GRAMD1A: variants seen among roughly 807,000 people sequenced by gnomAD.
GRAMD1A encodes the protein protein Aster-A.
In GRAMD1A, 50 loss-of-function variants were observed where a neutral mutation model predicts 92.0. The ratio of observed to expected loss-of-function variants is 0.54; its 90% confidence interval spans 0.43 to 0.69. GRAMD1A has a LOEUF of 0.69. GRAMD1A is among the 30% of genes least tolerant of loss of function. GRAMD1A has a pLI of 0.00. For synonymous variants in GRAMD1A, 405 were observed against 403.6 expected (o/e 1.00, Z -0.04); for missense variants, 819 against 978.9 (o/e 0.84, Z 2.18).
At chr19:34,995,176 C>T (rs1450579444) in intron 1 of GRAMD1A, among the ~76,000 whole-genome samples, 1 of 152,254 alleles carries the variant, frequency 6.6e-6, no homozygotes, top group African/African-American at 2.4e-5. Flanking sequence ...GTCTGTCCGG[C>T]TAGCCGTTAC....
upstream of GRAMD1A, chr19:34,996,166 G>A: frequency 6.5e-7 from 1 of 1,535,854 alleles, no homozygotes; most frequent in Non-Finnish European, 8.7e-7. Context: ...AGTCCTGGAA[G>A]CTCCTGGAGG....
chr19:35,025,351 C>G (rs2016356988), intron 19 of GRAMD1A: 1 of 152,318 alleles, frequency 6.6e-6, no homozygotes, highest in African/African-American at 2.4e-5. Flanking sequence ...TAAAGCGATT[C>G]TCGTGCCTCA....
chr19:35,014,686 TG>T (rs2015498004), intron 10 of GRAMD1A: 1 of 463,778 alleles, frequency 2.2e-6, no homozygotes, highest in Admixed American at 3.4e-5. Flanking sequence ...CCTCTGAAAA[TG>T]GGGTTAACAA....
intron 1 of GRAMD1A, among the ~76,000 whole-genome samples, chr19:35,005,740 G>A (rs73929254): frequency 0.02 from 3,118 of 152,308 alleles, 102 homozygotes; most frequent in African/African-American, 0.072. Flanking sequence ...GGACAGAGCA[G>A]TGACCCACAG....
intron 1 of GRAMD1A, 58 bp from the exon 2 acceptor site, chr19:35,009,061 C>A (rs1568321672): frequency 8.6e-7 from 1 of 1,160,580 alleles, no homozygotes; most frequent in Non-Finnish European, 1.3e-6. Context: ...ATAGGCCTGT[C>A]CCCGAATCCC....
upstream of GRAMD1A, among the ~76,000 whole-genome samples, chr19:34,997,599 G>A (rs2014095032): frequency 6.6e-6 from 1 of 152,160 alleles, no homozygotes; most frequent in African/African-American, 2.4e-5. Context: ...AAGCGTTAAA[G>A]TTTAGGAAGC....
rs371499583 is a variant in GRAMD1A at position 35,009,926 on chromosome 19, C to T, written c.279C>T (p.Phe93=). ...CTTATAAGCAGCGTAATGAGGACTTCCGGAAACTGTTCAGCAAACTCCCCG... is the reference window on the plus strand; with the variant it reads ...CTTATAAGCAGCGTAATGAGGACTTTCGGAAACTGTTCAGCAAACTCCCCG... The part of the protein sequence containing the change: ...SPTYKQRNED[F]RKLFSKLPEA... Residue 93 remains phenylalanine (F), a synonymous_variant, in exon 4 of 20, where the codon TTC becomes TTT. Coordinates refer to ENST00000317991, the MANE Select transcript of GRAMD1A (RefSeq NM_020895.5). 9.9e-6 allele frequency: 16 copies of T among 1,613,118 alleles called. No homozygotes were observed. Among genetic ancestry groups the T allele is most frequent in the African/African-American group, 4.0e-5 (3 of 74,880 alleles).
At chr19:35,008,311 A>G (rs2014970597) in intron 1 of GRAMD1A, among the ~76,000 whole-genome samples, 1 of 152,094 alleles carries the variant, frequency 6.6e-6, no homozygotes, top group African/African-American at 2.4e-5. Flanking sequence ...CCTAGGTGAC[A>G]GAGTGAGAGA....
At chr19:35,008,984 G>T in intron 1 of GRAMD1A, 135 bp from the exon 2 acceptor site, 1 of 676,358 alleles carries the variant, frequency 1.5e-6, no homozygotes, top group East Asian at 2.6e-5. Flanking sequence ...TGTCACTGCT[G>T]GGAAGAGAAA....
At chr19:35,009,678 G>GA (rs2015078852) in intron 3 of GRAMD1A, 1 of 635,144 alleles carries the variant, frequency 1.6e-6, no homozygotes, top group Non-Finnish European at 2.8e-6. Flanking sequence ...AGGGAACATT[G>GA]AATGAGTCAG....
upstream of GRAMD1A, among the ~76,000 whole-genome samples, chr19:34,998,070 CAAAA>C (rs1185258486): frequency 2.0e-5 from 1 of 50,232 alleles, no homozygotes. Flanking sequence ...GACCTTGTCT[CAAAA>C]AAAAAAAAAA....
In GRAMD1A at chr19:35,000,523, C is replaced by T; in HGVS notation, c.8+37C>T. 2 of 1,241,884 alleles carry T rather than the reference C, an allele frequency of 1.6e-6. No homozygotes were observed. The highest frequency in any genetic ancestry group is 5.6e-5 in the South Asian group (2 of 35,648). The allele number at this position is 1,241,884 out of a possible 1,614,324, so 76.9% of individuals were successfully genotyped here. A position where few individuals can be genotyped will look rare whatever the true frequency, so the allele number is the denominator to read the frequency against. ...GCGACTAGAGCTCAGGGACCGGGCGCGCGGGGGAGGCCACCGGAGGGAGGG... is the reference window on the plus strand; with the variant it reads ...GCGACTAGAGCTCAGGGACCGGGCGTGCGGGGGAGGCCACCGGAGGGAGGG... On this transcript the variant is annotated intron_variant, in intron 1 of 19. Transcript: ENST00000317991. The surrounding 1 kb of genome is among the most constrained non-coding windows in gnomAD (Gnocchi z 4.9).
chr19:35,009,779 G>A (rs1341002545), intron 3 of GRAMD1A, 109 bp from the exon 4 acceptor site: 18 of 767,722 alleles, frequency 2.3e-5, no homozygotes, highest in East Asian at 1.5e-4. Context: ...TGTTGTGTGC[G>A]TTGGAATCTG....
chr19:35,000,198 T>A, upstream of GRAMD1A: 1 of 1,016,110 alleles, frequency 9.8e-7, no homozygotes, highest in Non-Finnish European at 1.2e-6. This position sits in a 1 kb window ranked among gnomAD's most constrained non-coding sequence, Gnocchi z 4.9. Context: ...GGCTTCTCCC[T>A]CCTTCTAGGC....
intron 1 of GRAMD1A, among the ~76,000 whole-genome samples, chr19:35,003,159 T>C (rs80351135): frequency 1.8e-5 from 2 of 112,848 alleles, no homozygotes; most frequent in African/African-American, 5.8e-5. Context: ...TGTGTGTGTG[T>C]GTGTGTGTGT....
chr19:34,996,386 C>A, upstream of GRAMD1A: 1 of 998,554 alleles, frequency 1.0e-6, no homozygotes, highest in Non-Finnish European at 1.4e-6. Flanking sequence ...CGGGTCAGAG[C>A]ACAACCTTAG....
rs371665730 is a variant in GRAMD1A at position 35,019,393 on chromosome 19, G to A, written c.1335G>A (p.Thr445=). The change falls in exon 13 of 20, where the codon ACG becomes ACA. Residue 445 remains threonine (T), a splice_region_variant and synonymous_variant. Coordinates refer to ENST00000317991, the MANE Select transcript of GRAMD1A (RefSeq NM_020895.5). The part of the protein sequence containing the change: ...PKSASVVETQ[T]LFRRGPQAGG... ...CTTCTCCGGCTCTGTCCCTGCAGAC[G>A]CTGTTCCGGCGCGGCCCCCAGGCCG... 4 of 1,613,616 alleles carry A rather than the reference G, an allele frequency of 2.5e-6. No homozygotes were observed. The highest frequency in any genetic ancestry group is 1.1e-5 in the South Asian group (1 of 91,074).
upstream of GRAMD1A, among the ~76,000 whole-genome samples, chr19:34,995,571 G>GTTTTTTTTTT (rs59556577): frequency 2.1e-5 from 2 of 93,692 alleles, no homozygotes; most frequent in Non-Finnish European, 4.4e-5. Flanking sequence ...CAGATCACGG[G>GTTTTTTTTTT]TTTTTTTTTT....
At chr19:35,008,272 T>C (rs1227394095) in intron 1 of GRAMD1A, among the ~76,000 whole-genome samples, 1 of 152,064 alleles carries the variant, frequency 6.6e-6, no homozygotes, top group East Asian at 1.9e-4. Flanking sequence ...AAGGTTACAG[T>C]GAGCTGAGAT....
Sources: allele counts gnomAD v4.1 joint callset (sites outside exome capture counted in the v4.1 genomes callset), GRCh38; gene constraint gnomAD v4.1.1; non-coding constraint Gnocchi (gnomAD v3.1); transcripts MANE v1.5; gene names NCBI Gene and HGNC (gene_info 2026-07-23, HGNC 2026-07-21).